The following AKAP6 variants were observed in gnomAD, a reference collection of about 807,000 sequenced individuals.
AKAP6 encodes A-kinase anchor protein 6.
AKAP6 carries 58 observed loss-of-function variants against 188.5 expected under a neutral mutation model. The ratio of observed to expected loss-of-function variants is 0.31; its 90% CI spans 0.25 to 0.38. The LOEUF is 0.38. Among genes scored for constraint, AKAP6 ranks in the 10% least tolerant of loss-of-function variants. AKAP6 has a pLI of 1.00. For missense variants in AKAP6, 2,710 were observed against 2,740.0 expected, an observed-to-expected ratio of 0.99 and a Z score of 0.24; for synonymous variants, 989 against 998.6, an observed-to-expected ratio of 0.99 and a Z score of 0.18.
chr14:32,398,803 T>TCC lies in AKAP6; in HGVS notation c.-34-34653_-34-34652dup, dbSNP rs1555325341. 7.3e-4 allele frequency among the ~76,000 whole-genome samples: 87 copies of TCC among 118,640 alleles called. 1 individual carries two copies. In the East Asian group the frequency reaches 0.027, roughly 37 times the overall value. The allele number at this position is 118,640 out of a possible 152,430, so 77.8% of individuals were successfully genotyped here. Reference sequence around the variant, plus strand: ...TTTTCTCTCTCTCTCTCTCTCTCTCTCCCCCTCCCCCTCTCTCCCTCTCTC... The same window carrying TCC: ...TTTTCTCTCTCTCTCTCTCTCTCTCTCCCCCCCTCCCCCTCTCTCCCTCTCTC... On this transcript the variant is annotated intron_variant, in intron 1 of 13. Coordinates refer to ENST00000280979, the MANE Select transcript of AKAP6 (RefSeq NM_004274.5).
intron 5 of AKAP6, among the ~76,000 whole-genome samples, chr14:32,597,804 CTT>C (rs1177331796): frequency 6.6e-6 from 1 of 152,150 alleles, no homozygotes; most frequent in East Asian, 1.9e-4. Context: ...ATTATAATAA[CTT>C]ATAATTCTTA....
intron 4 of AKAP6, among the ~76,000 whole-genome samples, chr14:32,569,108 T>C (rs567178391): frequency 6.6e-6 from 1 of 152,322 alleles, no homozygotes; most frequent in African/African-American, 2.4e-5. Context: ...TTCAGTGTAA[T>C]ATTCCTTCTA....
chr14:32,738,448 G>C (rs1284123773), intron 11 of AKAP6, among the ~76,000 whole-genome samples: 1 of 152,130 alleles, frequency 6.6e-6, no homozygotes, highest in Non-Finnish European at 1.5e-5. Flanking sequence ...GAGTGGATTA[G>C]ATTTAATAAC....
chr14:32,746,136 C>T (rs2031900965), intron 11 of AKAP6, among the ~76,000 whole-genome samples: 1 of 152,064 alleles, frequency 6.6e-6, no homozygotes, highest in African/African-American at 2.4e-5. Flanking sequence ...TTGGGGACCC[C>T]AAGAGCCCAC....
intron 2 of AKAP6, among the ~76,000 whole-genome samples, chr14:32,533,395 C>A (rs1350374831): frequency 6.6e-6 from 1 of 152,052 alleles, no homozygotes; most frequent in African/African-American, 2.4e-5. Flanking sequence ...CAGCCTTTCC[C>A]CCATCATCCC....
At chr14:32,560,314 C>T (rs542555684) in intron 4 of AKAP6, among the ~76,000 whole-genome samples, 26 of 152,158 alleles carry the variant, frequency 1.7e-4, no homozygotes, top group African/African-American at 3.6e-4. Flanking sequence ...AGGATCATTG[C>T]GCAAGGTTGG....
At chr14:32,693,175 G>A (rs1890253330) in intron 8 of AKAP6, among the ~76,000 whole-genome samples, 1 of 152,078 alleles carries the variant, frequency 6.6e-6, no homozygotes, top group African/African-American at 2.4e-5. Flanking sequence ...GATATTATGA[G>A]GCTTCCTCCC....
In AKAP6 at chr14:32,667,979, G is replaced by C. The variant is rs572961656; in HGVS notation, c.2731-10332G>C. Among the ~76,000 whole-genome samples, 9 of 152,194 alleles carry C rather than the reference G, an allele frequency of 5.9e-5. No individual in the cohort carries two copies. The South Asian group carries it at 1.9e-3, about 32-fold the overall frequency. Reference sequence around the variant, plus strand: ...AGTTCTACAGGGCAAGAGAAACTAAGATTGTATCTTCCTATTATACATCTT... The same window carrying C: ...AGTTCTACAGGGCAAGAGAAACTAACATTGTATCTTCCTATTATACATCTT... On this transcript the variant is annotated intron_variant, in intron 7 of 13. Transcript: ENST00000280979.
At position 32,352,109 on chromosome 14, in the gene AKAP6, G is replaced by T. The variant is rs924268448; in HGVS notation, c.-35+22701G>T. Among the ~76,000 whole-genome samples the T allele has an allele frequency of 4.9e-3, 592 of 120,858 alleles. 2 individuals are homozygous for T. Among genetic ancestry groups the T allele is most frequent in the East Asian group, 0.042 (180 of 4,314 alleles). The allele number at this position is 120,858 out of a possible 152,430, so 79.3% of individuals were successfully genotyped here. A position where few individuals can be genotyped will look rare whatever the true frequency, so the allele number is the denominator to read the frequency against. ...TGTGTGTGTGTGTGTGTGTTTGTGT[G>T]TGTGTGTGTGTGTGTGTGTGTGTGT... On this transcript the variant is annotated intron_variant, in intron 1 of 13. Coordinates refer to ENST00000280979, the MANE Select transcript of AKAP6 (RefSeq NM_004274.5).
chr14:32,527,427 G>A (rs535126078), intron 2 of AKAP6, among the ~76,000 whole-genome samples: 5 of 152,282 alleles, frequency 3.3e-5, no homozygotes, highest in South Asian at 4.1e-4. Context: ...AAACATCTGT[G>A]TGCAGGTTTT....
chr14:32,545,952 C>G lies in AKAP6; in HGVS notation c.1299C>G (p.Asp433Glu). The G allele has an allele frequency of 6.2e-7, 1 of 1,614,202 alleles. No homozygotes were observed. The highest frequency in any genetic ancestry group is 8.5e-7 in the Non-Finnish European group (1 of 1,180,024). Residue 433 changes from aspartate to glutamate, a missense_variant, in exon 4 of 14, where the codon GAC (aspartate) becomes GAG (glutamate). Asp to Glu is a conservative substitution (Grantham distance 45). Transcript: ENST00000280979. ...CCCCTTCGCTAGTAGATCCTCCTGA[C>G]AGATCCAAACTTTGCCTGGTATTGC... ...RSTPSLVDPP[D>E]RSKLCLVLQS...
At chr14:32,696,692 A>G (rs1282087770) in intron 9 of AKAP6, among the ~76,000 whole-genome samples, 3 of 151,962 alleles carry the variant, frequency 2.0e-5, no homozygotes, top group Non-Finnish European at 4.4e-5. Flanking sequence ...AACTATCTAT[A>G]TTGTTTTCCA....
At position 32,739,532 on chromosome 14, in the gene AKAP6, A is replaced by T. The variant is rs559824389; in HGVS notation, c.3372+3650A>T. ...CCTGTTTGCCCCTACTACCCTTTCC[A>T]GCCTCTGGTAACCATCCCCCCTACT... On this transcript the variant is annotated intron_variant, in intron 11 of 13. Coordinates refer to ENST00000280979, the MANE Select transcript of AKAP6 (RefSeq NM_004274.5). Among the ~76,000 whole-genome samples, 6 of 151,890 alleles carry T rather than the reference A, an allele frequency of 4.0e-5. No individual in the cohort carries two copies. In the East Asian group the frequency reaches 1.2e-3, roughly 29 times the overall value.
intron 2 of AKAP6, among the ~76,000 whole-genome samples, chr14:32,460,271 CAGAG>C (rs900003804): frequency 6.6e-6 from 1 of 152,004 alleles, no homozygotes; most frequent in Non-Finnish European, 1.5e-5. Context: ...GAGAGGGAGA[CAGAG>C]AGAGAGGAAA....
chr14:32,521,446 T>G (rs2139060811), intron 2 of AKAP6, among the ~76,000 whole-genome samples: 1 of 152,342 alleles, frequency 6.6e-6, no homozygotes, highest in South Asian at 2.1e-4. Flanking sequence ...CCCCATCATC[T>G]CAGCCTAAAA....
intron 2 of AKAP6, among the ~76,000 whole-genome samples, chr14:32,465,787 A>C (rs1455133771): frequency 6.6e-6 from 1 of 152,252 alleles, no homozygotes; most frequent in East Asian, 1.9e-4. Flanking sequence ...CATCAGCATG[A>C]ACAGGCGACC....
chr14:32,604,276 A>C (rs1886049613), intron 7 of AKAP6, among the ~76,000 whole-genome samples: 1 of 152,174 alleles, frequency 6.6e-6, no homozygotes, highest in African/African-American at 2.4e-5. Flanking sequence ...CCGCAGATGC[A>C]GAAGTTGAAG....
intron 9 of AKAP6, among the ~76,000 whole-genome samples, chr14:32,713,671 T>A (rs2030018659): frequency 6.6e-6 from 1 of 152,074 alleles, no homozygotes; most frequent in African/African-American, 2.4e-5. Flanking sequence ...GTGTCCAACA[T>A]TTCTTCTGCA....
chr14:32,589,036 T>C (rs1488213469), intron 5 of AKAP6, among the ~76,000 whole-genome samples: 1 of 152,204 alleles, frequency 6.6e-6, no homozygotes, highest in African/African-American at 2.4e-5. Flanking sequence ...GGGTTTTCTT[T>C]TTCCCACTTC....
Sources: allele counts gnomAD v4.1 joint callset (sites outside exome capture counted in the v4.1 genomes callset), GRCh38; gene constraint gnomAD v4.1.1; transcripts MANE v1.5; gene names NCBI Gene and HGNC (gene_info 2026-07-23, HGNC 2026-07-21).